The following KCNQ1 variants were observed in gnomAD, a reference collection of about 807,000 sequenced individuals.
The protein encoded by KCNQ1 is potassium voltage-gated channel subfamily KQT member 1.
Under a neutral mutation model 72.4 loss-of-function variants are expected in KCNQ1, and 49 were observed. The observed-to-expected ratio is 0.68, with a 90% CI of 0.54 to 0.86. The LOEUF is 0.86. Ranked by LOEUF, KCNQ1 falls within the 40% of genes least tolerant of loss-of-function variation. KCNQ1 has a pLI of 0.00. For synonymous variants in KCNQ1, 450 were observed against 412.6 expected (o/e 1.09, Z -1.10); for missense variants, 790 against 945.1 (o/e 0.84, Z 2.15).
intron 12 of KCNQ1, among the ~76,000 whole-genome samples, chr11:2,774,837 C>T (rs985420034): frequency 6.6e-6 from 1 of 152,164 alleles, no homozygotes; most frequent in South Asian, 2.1e-4. Context: ...AGGGCATGTT[C>T]CCAGACCCAG....
At chr11:2,643,215 T>C in intron 10 of KCNQ1, 1 of 398,336 alleles carries the variant, frequency 2.5e-6, no homozygotes, top group Non-Finnish European at 4.4e-6. Context: ...TGTTTCTTTG[T>C]TAATTTTTTG....
Position 2,676,700 on chromosome 11 carries a change from G to T in KCNQ1, c.1514+14619G>T. On this transcript the variant is annotated intron_variant, in intron 11 of 15. Coordinates refer to ENST00000155840, the MANE Select transcript of KCNQ1 (RefSeq NM_000218.3). The surrounding 1 kb of genome is among the most constrained non-coding windows in gnomAD (Gnocchi z 4.2). ...GGGAGCACTAACTGGACTACAGCCT[G>T]GCAGGAGATAACCAAGTCATATGCA... 1 of 398,646 alleles carries T rather than the reference G, an allele frequency of 2.5e-6. No individual in the cohort carries two copies. 24.7% of individuals were successfully genotyped at this position (398,646 alleles called of 1,614,324 possible). A position where few individuals can be genotyped will look rare whatever the true frequency, so the allele number is the denominator to read the frequency against.
chr11:2,732,629 C>T (rs1416078373), intron 11 of KCNQ1, among the ~76,000 whole-genome samples: 1 of 152,240 alleles, frequency 6.6e-6, no homozygotes, highest in Non-Finnish European at 1.5e-5. Flanking sequence ...GGCCGTCTGA[C>T]CTTTCCGGCC....
intron 12 of KCNQ1, among the ~76,000 whole-genome samples, chr11:2,773,375 G>GA: frequency 6.6e-6 from 1 of 151,122 alleles, no homozygotes; most frequent in East Asian, 2.0e-4. Flanking sequence ...AGAAGAGAGA[G>GA]ACAGGGCTCA....
rs1339790391 is a variant in KCNQ1, at chr11:2,482,901, C to T, written c.386+37417C>T. 1.3e-5 allele frequency among the ~76,000 whole-genome samples: 2 copies of T among 152,130 alleles called. No homozygotes were observed. The highest frequency in any genetic ancestry group is 1.5e-5 in the Non-Finnish European group (1 of 68,022). On this transcript the variant is annotated intron_variant, in intron 1 of 15. Coordinates refer to ENST00000155840, the MANE Select transcript of KCNQ1 (RefSeq NM_000218.3). The surrounding 1 kb of genome is among the most constrained non-coding windows in gnomAD (Gnocchi z 5.7). ...ACGAGGGTCACCCTCCAGGAAGTGA[C>T]CTGCAAGAGAATGGAGAGAGTCATG...
At chr11:2,693,968 G>A in intron 11 of KCNQ1, 1 of 398,682 alleles carries the variant, frequency 2.5e-6, no homozygotes. Flanking sequence ...GCACTAACTG[G>A]AGAAGGTGAG....
At chr11:2,779,210 C>T (rs959012835) in intron 15 of KCNQ1, among the ~76,000 whole-genome samples, 6 of 152,204 alleles carry the variant, frequency 3.9e-5, no homozygotes, top group African/African-American at 7.2e-5. Context: ...AAGCAAGACC[C>T]GGGAGAGGTC....
At position 2,695,477 on chromosome 11, in the gene KCNQ1, T is replaced by C; in HGVS notation, c.1514+33396T>C. On this transcript the variant is annotated intron_variant, in intron 11 of 15. Coordinates refer to ENST00000155840, the MANE Select transcript of KCNQ1 (RefSeq NM_000218.3). The surrounding 1 kb of genome is among the most constrained non-coding windows in gnomAD (Gnocchi z 5.2). ...AGCACTGTGTTTCCACGCGTCTCTA[T>C]CTTGTGAAGTGTACATCTAGTCCCC... 1 of 398,670 alleles carries C rather than the reference T, an allele frequency of 2.5e-6. No homozygotes were observed. The highest frequency in any genetic ancestry group is 4.4e-6 in the Non-Finnish European group (1 of 226,114). The allele number at this position is 398,670 out of a possible 1,614,324, so 24.7% of individuals were successfully genotyped here. A position where few individuals can be genotyped will look rare whatever the true frequency, so the allele number is the denominator to read the frequency against.
At position 2,494,205 on chromosome 11, in the gene KCNQ1, A is replaced by C. The variant is rs893199898; in HGVS notation, c.387-33723A>C. On this transcript the variant is annotated intron_variant, in intron 1 of 15. Transcript: ENST00000155840. This position sits in a 1 kb window ranked among gnomAD's most constrained non-coding sequence, Gnocchi z 4.6. ...ATTTTGCACATTGATTTTGTATCCCAAGACTTTGCTGAAGTTGGCTATCAG... is the reference window on the plus strand; with the variant it reads ...ATTTTGCACATTGATTTTGTATCCCCAGACTTTGCTGAAGTTGGCTATCAG... Among the ~76,000 whole-genome samples, 1 of 152,144 alleles carries C rather than the reference A, an allele frequency of 6.6e-6. No individual in the cohort carries two copies. The highest frequency in any genetic ancestry group is 1.5e-5 in the Non-Finnish European group (1 of 68,012).
At position 2,543,774 on chromosome 11, in the gene KCNQ1, C is replaced by T. The variant is rs2133681783; in HGVS notation, c.477+15756C>T. Among the ~76,000 whole-genome samples, 1 of 152,278 alleles carries T rather than the reference C, an allele frequency of 6.6e-6. No homozygotes were observed. The highest frequency in any genetic ancestry group is 2.4e-5 in the African/African-American group (1 of 41,552). ...GGATGCATTTTGAGTTAATTTTTCT[C>T]TATCATGTAAGACATAGGCGGAGAT... On this transcript the variant is annotated intron_variant, in intron 2 of 15. Transcript: ENST00000155840. This position sits in a 1 kb window ranked among gnomAD's most constrained non-coding sequence, Gnocchi z 5.6.
At chr11:2,646,828 G>C (rs1029353229) in intron 10 of KCNQ1, 7 of 398,394 alleles carry the variant, frequency 1.8e-5, no homozygotes, top group Admixed American at 1.3e-4. Context: ...ACTAATTTTT[G>C]TTTGTTGATT....
At chr11:2,525,849 C>A (rs545600790) in intron 1 of KCNQ1, among the ~76,000 whole-genome samples, 36 of 152,328 alleles carry the variant, frequency 2.4e-4, no homozygotes, top group African/African-American at 8.4e-4. Context: ...CGGGGCTGAT[C>A]ACCTACTGTG....
intron 1 of KCNQ1, among the ~76,000 whole-genome samples, chr11:2,523,355 G>A (rs1354690568): frequency 1.3e-5 from 2 of 151,948 alleles, no homozygotes; most frequent in African/African-American, 4.8e-5. Flanking sequence ...CACCACCCAC[G>A]CCCAGTTAAT....
At chr11:2,707,764 C>G (rs545305304) in intron 11 of KCNQ1, among the ~76,000 whole-genome samples, 1 of 152,362 alleles carries the variant, frequency 6.6e-6, no homozygotes, top group South Asian at 2.1e-4. Context: ...GATGTAGAAG[C>G]TACTAGAGCT....
intron 15 of KCNQ1, among the ~76,000 whole-genome samples, chr11:2,838,150 G>T (rs957074262): frequency 2.0e-5 from 3 of 152,236 alleles, no homozygotes; most frequent in African/African-American, 7.2e-5. Flanking sequence ...CTTCTGAGAA[G>T]CAAACACCAC....
At chr11:2,838,299 G>A (rs1848124604) in intron 15 of KCNQ1, among the ~76,000 whole-genome samples, 1 of 152,176 alleles carries the variant, frequency 6.6e-6, no homozygotes, top group African/African-American at 2.4e-5. Flanking sequence ...GTGTGAAACG[G>A]CATGCAGAAA....
chr11:2,532,794 G>A (rs1384881929), intron 2 of KCNQ1, among the ~76,000 whole-genome samples: 1 of 152,230 alleles, frequency 6.6e-6, no homozygotes, highest in Non-Finnish European at 1.5e-5. Flanking sequence ...GGTTCCCGAG[G>A]CTTCAGGCCT....
rs1461126036 is a variant in KCNQ1 at position 2,626,451 on chromosome 11, T to G, written c.1394-35510T>G. ...TGTATACAAGGGTTTATTTTTGGGC[T>G]CTCTATTCAATTCCATTGGTCTCTA... On this transcript the variant is annotated intron_variant, in intron 10 of 15. Transcript: ENST00000155840. The surrounding 1 kb of genome is among the most constrained non-coding windows in gnomAD (Gnocchi z 4.0). 2.5e-6 allele frequency: 1 copy of G among 398,532 alleles called. No individual in the cohort carries two copies. The highest frequency in any genetic ancestry group is 4.4e-6 in the Non-Finnish European group (1 of 226,080). 24.7% of individuals were successfully genotyped at this position (398,532 alleles called of 1,614,324 possible). A position where few individuals can be genotyped will look rare whatever the true frequency, so the allele number is the denominator to read the frequency against.
In KCNQ1 at chr11:2,835,025, C is replaced by T. The variant is rs180754776; in HGVS notation, c.1795-12742C>T. On this transcript the variant is annotated intron_variant, in intron 15 of 15. Coordinates refer to ENST00000155840, the MANE Select transcript of KCNQ1 (RefSeq NM_000218.3). ...TCAGGGGAGCTGAATTCAGAGAATCCTGTCCTAGGAGCCAGAAGCGGGGGA... is the reference window on the plus strand; with the variant it reads ...TCAGGGGAGCTGAATTCAGAGAATCTTGTCCTAGGAGCCAGAAGCGGGGGA... 1.2e-4 allele frequency among the ~76,000 whole-genome samples: 18 copies of T among 150,724 alleles called. No individual in the cohort carries two copies. The East Asian group carries it at 2.2e-3, about 18-fold the overall frequency.
Sources: allele counts gnomAD v4.1 joint callset (sites outside exome capture counted in the v4.1 genomes callset), GRCh38; gene constraint gnomAD v4.1.1; non-coding constraint Gnocchi (gnomAD v3.1); transcripts MANE v1.5; gene names NCBI Gene and HGNC (gene_info 2026-07-23, HGNC 2026-07-21).